The following CDH18 variants were observed in gnomAD, a reference collection of about 807,000 sequenced individuals.
CDH18 encodes the protein cadherin-18.
Under a neutral mutation model 67.9 loss-of-function variants are expected in CDH18, and 31 were observed. That is an observed-to-expected ratio of 0.46 (90% CI 0.34 to 0.62). The LOEUF (loss-of-function observed/expected upper bound fraction) is 0.62, where lower values mean the gene tolerates loss of function less well. CDH18 is among the 20% of genes least tolerant of loss of function. The pLI is 0.01. For missense variants in CDH18, 890 were observed against 975.5 expected (o/e 0.91, Z 1.17); for synonymous variants, 362 against 347.2 (o/e 1.04, Z -0.48).
At chr5:19,561,612 T>G (rs1247767720) in intron 8 of CDH18, among the ~76,000 whole-genome samples, 1 of 152,106 alleles carries the variant, frequency 6.6e-6, no homozygotes, top group Non-Finnish European at 1.5e-5. Flanking sequence ...AAATAACATA[T>G]TCATGTAACC....
At chr5:20,334,906 C>G (rs981365248) in intron 1 of CDH18, among the ~76,000 whole-genome samples, 1 of 152,148 alleles carries the variant, frequency 6.6e-6, no homozygotes, top group Non-Finnish European at 1.5e-5. Context: ...ATAACAATCT[C>G]TGTCTCCAAA....
chr5:20,159,116 G>T (rs138467964), intron 2 of CDH18, among the ~76,000 whole-genome samples: 1 of 152,224 alleles, frequency 6.6e-6, no homozygotes, highest in East Asian at 1.9e-4. Context: ...GTTTTGATTT[G>T]TGATAAAGTT....
In CDH18 at chr5:20,128,030, G is replaced by A. The variant is rs113274264; in HGVS notation, c.-518+127414C>T. Among the ~76,000 whole-genome samples, 72 of 152,160 alleles carry A rather than the reference G, an allele frequency of 4.7e-4. 3 individuals are homozygous for A. The highest frequency in any genetic ancestry group is 1.7e-3 in the South Asian group (8 of 4,822). On this transcript the variant is annotated intron_variant, in intron 2 of 14. Coordinates refer to the CDH18 transcript ENST00000507958. ...CCTTCTCCTGCTGATCATGGTCCCT[G>A]ACAACCTCCTTCTAGGTCAGTATTG...
chr5:20,543,763 T>G (rs1451383918), intron 1 of CDH18, among the ~76,000 whole-genome samples: 2 of 152,162 alleles, frequency 1.3e-5, no homozygotes, highest in African/African-American at 4.8e-5. Flanking sequence ...TCTTAAAAAT[T>G]AAATAACTAA....
chr5:19,741,631 T>A (rs888366052), intron 4 of CDH18, among the ~76,000 whole-genome samples: 1 of 152,184 alleles, frequency 6.6e-6, no homozygotes, highest in Admixed American at 6.5e-5. Flanking sequence ...ATTTTTGTTT[T>A]AAAGTTCACG....
intron 1 of CDH18, among the ~76,000 whole-genome samples, chr5:20,268,187 C>G (rs28852700): frequency 0.018 from 2,693 of 152,174 alleles, 71 homozygotes; most frequent in African/African-American, 0.062. Flanking sequence ...TTTCTTTATC[C>G]AATCCATTAC....
At position 20,502,472 on chromosome 5, in the gene CDH18, A is replaced by G. The variant is rs188058242; in HGVS notation, c.-580+72990T>C. ...TGGAGTCACTGTCCCTAGTTCTTCAATTATTCAGTTCTAATGGGTAGGTTA... is the reference window on the plus strand; with the variant it reads ...TGGAGTCACTGTCCCTAGTTCTTCAGTTATTCAGTTCTAATGGGTAGGTTA... On this transcript the variant is annotated intron_variant, in intron 1 of 14. Coordinates refer to the CDH18 transcript ENST00000507958. 5.9e-3 allele frequency among the ~76,000 whole-genome samples: 904 copies of G among 152,282 alleles called. 3 individuals are homozygous for G. The highest frequency in any genetic ancestry group is 0.01 in the Non-Finnish European group (693 of 68,026).
intron 1 of CDH18, among the ~76,000 whole-genome samples, chr5:20,573,966 T>A (rs1758973984): frequency 1.4e-5 from 2 of 147,354 alleles, no homozygotes; most frequent in Non-Finnish European, 3.0e-5. Context: ...ATATATATAC[T>A]TTTTTTAAAC....
intron 1 of CDH18, among the ~76,000 whole-genome samples, chr5:20,508,550 G>C (rs2126474013): frequency 6.6e-6 from 1 of 151,386 alleles, no homozygotes; most frequent in Admixed American, 6.6e-5. Flanking sequence ...ACACACATTG[G>C]GAGATTTTAT....
intron 2 of CDH18, among the ~76,000 whole-genome samples, chr5:19,902,130 T>TCC (rs1031245071): frequency 1.3e-5 from 2 of 152,168 alleles, no homozygotes; most frequent in Admixed American, 1.3e-4. Flanking sequence ...AATGAATAAA[T>TCC]GTAGTACTTT....
At chr5:20,375,601 G>C (rs983469083) in intron 1 of CDH18, among the ~76,000 whole-genome samples, 2 of 152,126 alleles carry the variant, frequency 1.3e-5, no homozygotes, top group African/African-American at 4.8e-5. Flanking sequence ...CTCCATTAGA[G>C]ACTGCGCCTT....
At chr5:20,165,370 ATC>A (rs1007641597) in intron 2 of CDH18, among the ~76,000 whole-genome samples, 1 of 152,052 alleles carries the variant, frequency 6.6e-6, no homozygotes, top group African/African-American at 2.4e-5. Flanking sequence ...TTAAAGGACA[ATC>A]TCTGTCATTT....
intron 10 of CDH18, among the ~76,000 whole-genome samples, chr5:19,513,928 T>C (rs1366734967): frequency 6.6e-6 from 1 of 152,180 alleles, no homozygotes; most frequent in Non-Finnish European, 1.5e-5. Context: ...ACCTGTGCCA[T>C]GTTGGCTTGC....
intron 1 of CDH18, among the ~76,000 whole-genome samples, chr5:20,325,607 G>T (rs559915411): frequency 4.6e-5 from 7 of 151,448 alleles, no homozygotes; most frequent in Admixed American, 2.0e-4. Flanking sequence ...TTTATTTTCA[G>T]TCCATTAGAT....
At chr5:20,488,009 G>A (rs1753313369) in intron 1 of CDH18, among the ~76,000 whole-genome samples, 1 of 152,100 alleles carries the variant, frequency 6.6e-6, no homozygotes, top group Non-Finnish European at 1.5e-5. Flanking sequence ...CCATCTCTCA[G>A]TGGCTGATTG....
At chr5:20,164,840 T>A (rs1736167125) in intron 2 of CDH18, among the ~76,000 whole-genome samples, 1 of 152,204 alleles carries the variant, frequency 6.6e-6, no homozygotes, top group Non-Finnish European at 1.5e-5. Context: ...AACTAAAAGA[T>A]AACATTGTTT....
chr5:20,138,785 C>G (rs1463146115), intron 2 of CDH18, among the ~76,000 whole-genome samples: 1 of 152,066 alleles, frequency 6.6e-6, no homozygotes, highest in Non-Finnish European at 1.5e-5. Context: ...TCAAGGAGAC[C>G]TACAAACCAC....
intron 1 of CDH18, among the ~76,000 whole-genome samples, chr5:20,551,353 C>T (rs17839233): frequency 0.027 from 4,140 of 152,210 alleles, 96 homozygotes; most frequent in African/African-American, 0.064. Context: ...ATTCCACTGA[C>T]CACGTTTTTA....
At chr5:19,852,261 A>C (rs556665357) in intron 2 of CDH18, among the ~76,000 whole-genome samples, 1 of 151,990 alleles carries the variant, frequency 6.6e-6, no homozygotes, top group Middle Eastern at 3.4e-3. Flanking sequence ...CTTCTGCCAG[A>C]CTCTTGAGTT....
Sources: gnomAD v4.1 joint callset for allele counts (sites outside exome capture counted in the v4.1 genomes callset) on GRCh38, gnomAD v4.1.1 for gene constraint, MANE v1.5 for transcripts, NCBI Gene and HGNC (gene_info 2026-07-23, HGNC 2026-07-21) for gene names.